The following GRM3 variants were observed in gnomAD, a reference collection of about 807,000 sequenced individuals.
The protein encoded by GRM3 is metabotropic glutamate receptor 3.
GRM3 carries 26 observed loss-of-function variants against 70.5 expected under a neutral mutation model. The ratio of observed to expected loss-of-function variants is 0.37; its 90% CI spans 0.27 to 0.51. The LOEUF (loss-of-function observed/expected upper bound fraction) is 0.51, where lower values mean the gene tolerates loss of function less well. GRM3 is among the 20% of genes least tolerant of loss of function. GRM3 has a pLI of 0.93. For missense variants in GRM3, 859 were observed against 1,123.8 expected (o/e 0.76, Z 3.37); for synonymous variants, 443 against 434.9 (o/e 1.02, Z -0.23).
chr7:86,776,651 A>T (rs1422704480), intron 2 of GRM3, among the ~76,000 whole-genome samples: 1 of 152,162 alleles, frequency 6.6e-6, no homozygotes, highest in East Asian at 1.9e-4. Context: ...CATATTTCTC[A>T]TATTATTGTT....
chr7:86,656,421 G>A (rs548271868), intron 1 of GRM3, among the ~76,000 whole-genome samples: 8 of 151,604 alleles, frequency 5.3e-5, no homozygotes, highest in South Asian at 2.1e-4. Flanking sequence ...GGCATGCACC[G>A]CCACGGCTGG....
At chr7:86,827,137 C>T (rs569637054) in intron 3 of GRM3, among the ~76,000 whole-genome samples, 78 of 152,258 alleles carry the variant, frequency 5.1e-4, no homozygotes, top group African/African-American at 1.8e-3. Context: ...TAAGGTCAAA[C>T]GCACAATACA....
intron 2 of GRM3, among the ~76,000 whole-genome samples, chr7:86,776,278 A>G (rs1033417213): frequency 6.6e-6 from 1 of 152,150 alleles, no homozygotes; most frequent in Non-Finnish European, 1.5e-5. Flanking sequence ...TAAGGAGTTA[A>G]AATAACTAGC....
rs537356930 is a variant in GRM3 at position 86,864,651 on chromosome 7, C to CAAAAAAAAAAAAAAAAAAG, written c.*309_*310insAAAAAGAAAAAAAAAAAAA. 1 of 101,656 alleles carries CAAAAAAAAAAAAAAAAAAG rather than the reference C, an allele frequency of 9.8e-6. No individual in the cohort carries two copies. The highest frequency in any genetic ancestry group is 2.2e-5 in the Non-Finnish European group (1 of 45,974). 6.3% of individuals were successfully genotyped at this position (101,656 alleles called of 1,614,324 possible). ...TCTACTAAAAAACAAAAAAAAAAAA[C>CAAAAAAAAAAAAAAAAAAG]AAAAAAAAAAAAACAAAAGAAAAAA... On this transcript the variant is annotated 3_prime_UTR_variant, in exon 6 of 6. Coordinates refer to ENST00000361669, the MANE Select transcript of GRM3 (RefSeq NM_000840.3).
intron 3 of GRM3, among the ~76,000 whole-genome samples, chr7:86,824,373 T>C (rs558769835): frequency 5.4e-4 from 82 of 152,322 alleles, no homozygotes; most frequent in African/African-American, 1.9e-3. Flanking sequence ...CTGTCCAAAA[T>C]TCTTTCTGCA....
rs755835635 is a variant in GRM3, at chr7:86,786,530, G to A, written c.738G>A (p.Lys246=). 4.3e-6 allele frequency: 7 copies of A among 1,613,988 alleles called. No individual in the cohort carries two copies. In the African/African-American group the frequency reaches 9.3e-5, roughly 22 times the overall value. Residue 246 remains lysine (K), a synonymous_variant, in exon 3 of 6, where the codon AAG becomes AAA. Transcript: ENST00000361669. This position sits in a 1 kb window ranked among gnomAD's most constrained non-coding sequence, Gnocchi z 6.0. ...ACATCTGCATCGCTACGGCGGAGAA[G>A]GTGGGCCGCTCCAACATCCGCAAGT... ...LRNICIATAE[K]VGRSNIRKSY...
intron 1 of GRM3, among the ~76,000 whole-genome samples, chr7:86,705,009 G>A (rs764199057): frequency 6.6e-6 from 1 of 151,810 alleles, no homozygotes; most frequent in Non-Finnish European, 1.5e-5. Flanking sequence ...TACTGACATA[G>A]GCATCTAATT....
intron 4 of GRM3, among the ~76,000 whole-genome samples, chr7:86,844,894 CT>C (rs530634989): frequency 2.5e-4 from 38 of 149,990 alleles, no homozygotes; most frequent in Admixed American, 8.7e-4. Flanking sequence ...GTCCTGATTT[CT>C]TTTTTTTTTC....
At chr7:86,825,352 C>A (rs1463014162) in intron 3 of GRM3, among the ~76,000 whole-genome samples, 1 of 152,180 alleles carries the variant, frequency 6.6e-6, no homozygotes, top group African/African-American at 2.4e-5. Flanking sequence ...GATGATGTAG[C>A]TTTGGAATTT....
intron 1 of GRM3, among the ~76,000 whole-genome samples, chr7:86,739,345 C>G (rs1795933330): frequency 6.6e-6 from 1 of 152,164 alleles, no homozygotes; most frequent in Non-Finnish European, 1.5e-5. Flanking sequence ...CAACATCTTC[C>G]CAACCTTCAT....
At chr7:86,758,110 G>A (rs1796391798) in intron 1 of GRM3, among the ~76,000 whole-genome samples, 1 of 151,980 alleles carries the variant, frequency 6.6e-6, no homozygotes, top group South Asian at 2.1e-4. Flanking sequence ...TCTCTACTTA[G>A]CAATAGATGA....
chr7:86,849,220 T>G (rs1182375996), intron 4 of GRM3, among the ~76,000 whole-genome samples: 1 of 152,128 alleles, frequency 6.6e-6, no homozygotes, highest in Non-Finnish European at 1.5e-5. Flanking sequence ...CAGATTCAGA[T>G]TTATGAAGGC....
At chr7:86,815,113 G>C (rs1797988897) in intron 3 of GRM3, among the ~76,000 whole-genome samples, 1 of 151,574 alleles carries the variant, frequency 6.6e-6, no homozygotes, top group Non-Finnish European at 1.5e-5. Context: ...GAACATGGCA[G>C]GTTCTGGCAG....
At chr7:86,669,480 T>TTTTTCTACTCTTCACAC (rs1794116346) in intron 1 of GRM3, among the ~76,000 whole-genome samples, 1 of 152,202 alleles carries the variant, frequency 6.6e-6, no homozygotes. Context: ...AATCTTCACA[T>TTTTTCTACTCTTCACAC]TTTTCTACTC....
intron 5 of GRM3, among the ~76,000 whole-genome samples, chr7:86,852,310 G>T (rs552699979): frequency 3.3e-5 from 5 of 152,120 alleles, no homozygotes; most frequent in Admixed American, 3.3e-4. Context: ...TTCCATAGAC[G>T]TTATTCAAAA....
intron 1 of GRM3, among the ~76,000 whole-genome samples, chr7:86,731,727 G>T (rs1181161053): frequency 6.6e-6 from 1 of 152,150 alleles, no homozygotes; most frequent in Non-Finnish European, 1.5e-5. Flanking sequence ...ACATCTTGAT[G>T]GTTACCTGTG....
At chr7:86,853,379 T>C (rs949978860) in intron 5 of GRM3, among the ~76,000 whole-genome samples, 1 of 152,204 alleles carries the variant, frequency 6.6e-6, no homozygotes, top group Admixed American at 6.5e-5. Context: ...TGACCCACTT[T>C]GGTAGAATTG....
chr7:86,644,757 AC>A lies in GRM3; in HGVS notation c.-254del. On this transcript the variant is annotated 5_prime_UTR_variant, in exon 1 of 6. An upstream open reading frame in the 5' UTR loses its in-frame stop. Coordinates refer to ENST00000361669, the MANE Select transcript of GRM3 (RefSeq NM_000840.3). ...TTGGAAAGGACAAAGCCAGTAAGCTACCTCTTTTGTGTCGGATGAGGAGGAC... is the reference window on the plus strand; with the variant it reads ...TTGGAAAGGACAAAGCCAGTAAGCTACTCTTTTGTGTCGGATGAGGAGGAC... 1 of 1,274,560 alleles carries A rather than the reference AC, an allele frequency of 7.8e-7. No homozygotes were observed. Among genetic ancestry groups the A allele is most frequent in the Non-Finnish European group, 1.0e-6 (1 of 975,060 alleles). The allele number at this position is 1,274,560 out of a possible 1,614,324, so 79.0% of individuals were successfully genotyped here.
At chr7:86,739,757 G>A (rs1795944553) in intron 1 of GRM3, among the ~76,000 whole-genome samples, 1 of 152,140 alleles carries the variant, frequency 6.6e-6, no homozygotes, top group Non-Finnish European at 1.5e-5. Flanking sequence ...GCACCTTTTG[G>A]AAACTTAAAA....
Sources: allele counts gnomAD v4.1 joint callset (sites outside exome capture counted in the v4.1 genomes callset), GRCh38; gene constraint gnomAD v4.1.1; non-coding constraint Gnocchi (gnomAD v3.1); transcripts MANE v1.5; gene names NCBI Gene and HGNC (gene_info 2026-07-23, HGNC 2026-07-21).